Variants in LRRIQ3 observed in about 807,000 individuals in gnomAD.
LRRIQ3 encodes the protein leucine rich repeats and IQ motif containing 3.
In LRRIQ3, 75 loss-of-function variants were observed where a neutral mutation model predicts 59.3. The observed-to-expected ratio is 1.26, with a 90% confidence interval of 1.05 to 1.53. LRRIQ3 has a LOEUF of 1.53. LRRIQ3 is among the 40% of genes most tolerant of loss of function. The pLI, the probability that LRRIQ3 is intolerant of heterozygous loss-of-function variation, is 0.00. For synonymous variants in LRRIQ3, 250 were observed against 231.3 expected (o/e 1.08, Z -0.73); for missense variants, 831 against 710.0 (o/e 1.17, Z -1.94).
At chr1:74,059,652 T>A (rs1570045949) in intron 6 of LRRIQ3, among the ~76,000 whole-genome samples, 1 of 152,128 alleles carries the variant, frequency 6.6e-6, no homozygotes, top group Admixed American at 6.6e-5. Context: ...AATTTGTTTT[T>A]ATTTTTAAAG....
At chr1:74,122,603 T>C (rs1446189101) in intron 4 of LRRIQ3, among the ~76,000 whole-genome samples, 1 of 152,060 alleles carries the variant, frequency 6.6e-6, no homozygotes, top group African/African-American at 2.4e-5. Flanking sequence ...TAATAAATGG[T>C]GCTGGGAAAA....
chr1:74,027,647 G>A (rs1653559799), intron 7 of LRRIQ3, among the ~76,000 whole-genome samples: 1 of 152,042 alleles, frequency 6.6e-6, no homozygotes, highest in Non-Finnish European at 1.5e-5. Flanking sequence ...GTGATATTTT[G>A]TTATGGCAGT....
chr1:74,085,204 C>G (rs1646313898), intron 5 of LRRIQ3, among the ~76,000 whole-genome samples: 2 of 150,738 alleles, frequency 1.3e-5, no homozygotes, highest in South Asian at 4.2e-4. Flanking sequence ...AGTTGTAACT[C>G]AAAACAATAT....
At chr1:74,165,556 C>T (rs1402133072) in intron 3 of LRRIQ3, among the ~76,000 whole-genome samples, 1 of 151,304 alleles carries the variant, frequency 6.6e-6, no homozygotes, top group Non-Finnish European at 1.5e-5. Context: ...TCCTCTTTTC[C>T]AATTTCTTTT....
At chr1:74,092,179 A>G (rs1454620913) in intron 5 of LRRIQ3, among the ~76,000 whole-genome samples, 1 of 152,080 alleles carries the variant, frequency 6.6e-6, no homozygotes, top group East Asian at 1.9e-4. Flanking sequence ...ATGAGGTACT[A>G]TTTGACTGGA....
intron 4 of LRRIQ3, among the ~76,000 whole-genome samples, chr1:74,138,999 C>A (rs1647177110): frequency 1.3e-5 from 2 of 151,080 alleles, no homozygotes; most frequent in African/African-American, 2.4e-5. Flanking sequence ...CATAACAAGA[C>A]CCTGTCTCTA....
intron 1 of LRRIQ3, 76 bp from the exon 2 acceptor site, chr1:74,183,760 C>A: frequency 1.5e-6 from 2 of 1,297,852 alleles, no homozygotes; most frequent in South Asian, 1.8e-5. Flanking sequence ...AAAATTTTGC[C>A]AAGAGATAGC....
In LRRIQ3 at chr1:74,042,348, C is replaced by T. The variant is rs141950825; in HGVS notation, c.998-415G>A. On this transcript the variant is annotated intron_variant, in intron 6 of 7. Transcript: ENST00000354431. ...ACCAGTGAAAATTTAGAAAACTCTG[C>T]GTAATAAATGAGCAGGGAGTATTTA... Among the ~76,000 whole-genome samples, 789 of 151,984 alleles carry T rather than the reference C, an allele frequency of 5.2e-3. 2 individuals carry two copies. The highest frequency in any genetic ancestry group is 0.015 in the East Asian group (79 of 5,172).
chr1:74,076,173 T>G (rs113644633), intron 5 of LRRIQ3, among the ~76,000 whole-genome samples: 9 of 152,232 alleles, frequency 5.9e-5, no homozygotes, highest in African/African-American at 2.2e-4. Context: ...GTTTACATAT[T>G]AAAAAACTTT....
At chr1:74,068,454 T>C (rs573373006) in intron 6 of LRRIQ3, among the ~76,000 whole-genome samples, 1 of 151,912 alleles carries the variant, frequency 6.6e-6, no homozygotes, top group South Asian at 2.1e-4. Flanking sequence ...GAGAGACTGA[T>C]CACATAATTT....
intron 6 of LRRIQ3, among the ~76,000 whole-genome samples, chr1:74,048,288 T>C (rs1654263805): frequency 6.6e-6 from 1 of 152,190 alleles, no homozygotes; most frequent in African/African-American, 2.4e-5. Flanking sequence ...GATGGTTATT[T>C]ATTTCCATTT....
chr1:74,198,042 C>A lies in LRRIQ3; in HGVS notation c.-47G>T. On this transcript the variant is annotated 5_prime_UTR_variant, in exon 1 of 8. Coordinates refer to ENST00000354431, the MANE Select transcript of LRRIQ3 (RefSeq NM_001105659.2). ...CCTTATGAGTTGGAGACAAGTGGCC[C>A]AGCCCCAACACAGTCAGACAAATCG... The A allele has an allele frequency of 1.2e-6, 1 of 809,638 alleles. No homozygotes were observed. The allele number at this position is 809,638 out of a possible 1,614,324, so 50.2% of individuals were successfully genotyped here.
At chr1:74,055,273 TG>T (rs1654498334) in intron 6 of LRRIQ3, among the ~76,000 whole-genome samples, 2 of 150,746 alleles carry the variant, frequency 1.3e-5, no homozygotes, top group South Asian at 4.2e-4. Flanking sequence ...CACAGAATAA[TG>T]CAACTATCAT....
intron 6 of LRRIQ3, among the ~76,000 whole-genome samples, chr1:74,071,269 T>C (rs1445864122): frequency 2.6e-5 from 4 of 152,028 alleles, no homozygotes; most frequent in Non-Finnish European, 5.9e-5. Flanking sequence ...AAACCTCAAG[T>C]GTTCCTCCTA....
At chr1:74,077,050 C>T (rs1340400042) in intron 5 of LRRIQ3, among the ~76,000 whole-genome samples, 1 of 151,510 alleles carries the variant, frequency 6.6e-6, no homozygotes, top group Non-Finnish European at 1.5e-5. Flanking sequence ...TTAAGTAATG[C>T]TGCTTCTATT....
intron 5 of LRRIQ3, among the ~76,000 whole-genome samples, chr1:74,095,735 G>A (rs1035516561): frequency 6.6e-6 from 1 of 151,970 alleles, no homozygotes; most frequent in Non-Finnish European, 1.5e-5. Flanking sequence ...AATAAAAAAT[G>A]TAAAAATACA....
At chr1:74,048,331 TA>T (rs1467984140) in intron 6 of LRRIQ3, among the ~76,000 whole-genome samples, 1 of 152,218 alleles carries the variant, frequency 6.6e-6, no homozygotes, top group Non-Finnish European at 1.5e-5. Context: ...AGCATGTCAA[TA>T]ATTCTTCTAA....
chr1:74,050,601 T>G (rs1234658261), intron 6 of LRRIQ3: 1 of 984,780 alleles, frequency 1.0e-6, no homozygotes, highest in East Asian at 1.1e-4. Context: ...CCAAACCTAT[T>G]TAAAATCAGC....
chr1:74,045,445 T>C (rs761192461), intron 6 of LRRIQ3, among the ~76,000 whole-genome samples: 24 of 152,184 alleles, frequency 1.6e-4, no homozygotes, highest in Non-Finnish European at 2.8e-4. Context: ...ATACTAGGCA[T>C]TGATGGAACG....
Sources: allele counts gnomAD v4.1 joint callset (sites outside exome capture counted in the v4.1 genomes callset), GRCh38; gene constraint gnomAD v4.1.1; transcripts MANE v1.5; gene names NCBI Gene and HGNC (gene_info 2026-07-23, HGNC 2026-07-21).